Variants in PARPBP observed in about 807,000 individuals in gnomAD.
PARPBP encodes the protein PARP1 binding protein.
PARPBP carries 52 observed loss-of-function variants against 50.0 expected under a neutral mutation model. That is an observed-to-expected ratio of 1.04 (90% CI 0.83 to 1.31). The LOEUF (loss-of-function observed/expected upper bound fraction) is 1.31. PARPBP is among the 50% of genes most tolerant of loss of function. PARPBP has a pLI of 0.00. For synonymous variants in PARPBP, 244 were observed against 232.1 expected, an observed-to-expected ratio of 1.05 and a Z score of -0.47; for missense variants, 697 against 672.0, an observed-to-expected ratio of 1.04 and a Z score of -0.41.
chr12:102,184,292 G>A (rs1017722507), intron 9 of PARPBP, among the ~76,000 whole-genome samples: 8 of 151,918 alleles, frequency 5.3e-5, no homozygotes, highest in African/African-American at 1.9e-4. Context: ...GGAGAATGGG[G>A]TATCCATTCT....
chr12:102,190,911 C>T (rs1565905893), intron 9 of PARPBP, among the ~76,000 whole-genome samples: 1 of 152,028 alleles, frequency 6.6e-6, no homozygotes, highest in Non-Finnish European at 1.5e-5. Context: ...TTTAAATAGC[C>T]ATAAGTAGGA....
chr12:102,123,904 C>T lies in PARPBP; in HGVS notation c.16C>T (p.Gln6Ter), dbSNP rs1313494983. Residue 6 changes from glutamine to a stop codon, truncating the protein, a stop_gained, in exon 2 of 11, where the codon CAG becomes TAG. Transcript: ENST00000327680. LOFTEE classifies it high-confidence loss of function. ...CTTTAAGATAATGGCTGTGTTTAAT[C>T]AGAAGTCTGTCTCGGATATGATTAA... MAVFN[Q>*]KSVSDMIKEF... The T allele has an allele frequency of 6.5e-7, 1 of 1,534,842 alleles. No individual in the cohort carries two copies.
intron 8 of PARPBP, among the ~76,000 whole-genome samples, chr12:102,182,238 G>T (rs985203835): frequency 3.3e-5 from 5 of 152,098 alleles, no homozygotes; most frequent in Non-Finnish European, 7.4e-5. Context: ...TGATCATGGC[G>T]GTAAACAACT....
At chr12:102,166,340 A>G (rs1281815678) in intron 6 of PARPBP, among the ~76,000 whole-genome samples, 2 of 152,044 alleles carry the variant, frequency 1.3e-5, no homozygotes, top group Non-Finnish European at 2.9e-5. Context: ...TTTTTATATG[A>G]TATTGGAGGT....
At chr12:102,146,842 G>A (rs973422253) in intron 2 of PARPBP, among the ~76,000 whole-genome samples, 24 of 152,072 alleles carry the variant, frequency 1.6e-4, no homozygotes, top group Admixed American at 5.2e-4. Context: ...AATATCCAGA[G>A]TCTACAATGA....
intron 9 of PARPBP, 46 bp downstream of exon 9, chr12:102,182,673 T>TC: frequency 4.7e-6 from 6 of 1,264,732 alleles, no homozygotes; most frequent in South Asian, 1.2e-5. Flanking sequence ...CTGTTTTATT[T>TC]TTAGAAGAAA....
intron 9 of PARPBP, among the ~76,000 whole-genome samples, chr12:102,185,675 T>C (rs1010823852): frequency 2.6e-5 from 4 of 152,152 alleles, no homozygotes; most frequent in African/African-American, 9.7e-5. Flanking sequence ...TTTTATTTTT[T>C]TGAGATGGAG....
At chr12:102,173,543 G>A (rs1565893266) in intron 6 of PARPBP, among the ~76,000 whole-genome samples, 2 of 151,908 alleles carry the variant, frequency 1.3e-5, no homozygotes. Context: ...TGGACACAAG[G>A]CCAATAAACA....
At chr12:102,170,911 T>C (rs938751692) in intron 6 of PARPBP, among the ~76,000 whole-genome samples, 3 of 150,632 alleles carry the variant, frequency 2.0e-5, no homozygotes, top group East Asian at 1.9e-4. Context: ...TTTTCTTTTT[T>C]TTTTTTTTTT....
intron 2 of PARPBP, among the ~76,000 whole-genome samples, chr12:102,125,458 CAG>C (rs776437199): frequency 4.6e-5 from 7 of 152,066 alleles, no homozygotes; most frequent in Admixed American, 2.0e-4. Context: ...AGATTTGAAA[CAG>C]GGGAGGGCAT....
intron 6 of PARPBP, among the ~76,000 whole-genome samples, chr12:102,170,909 T>C (rs913197108): frequency 8.0e-5 from 12 of 149,920 alleles, no homozygotes; most frequent in East Asian, 1.9e-4. Flanking sequence ...ATTTTTCTTT[T>C]TTTTTTTTTT....
rs1344193918 is a variant in PARPBP, at chr12:102,196,060, A to G, written c.1509A>G (p.Thr503=). 1 of 1,611,962 alleles carries G rather than the reference A, an allele frequency of 6.2e-7. No homozygotes were observed. The change falls in exon 11 of 11, where the codon ACA becomes ACG. Residue 503 remains threonine, a synonymous_variant. Transcript: ENST00000327680. ...EKVSRKSTSQ[T]GNKSSKRKQV... is the part of the protein sequence containing the mutation. ...TATCAAGAAAATCAACCAGTCAGAC[A>G]GGAAATAAAAGCTCAAAAAGGAAAC...
intron 9 of PARPBP, among the ~76,000 whole-genome samples, chr12:102,185,998 T>C (rs1018990092): frequency 1.3e-5 from 2 of 152,150 alleles, no homozygotes; most frequent in African/African-American, 4.8e-5. Flanking sequence ...TACTTATTAT[T>C]GATCTATTCA....
intron 2 of PARPBP, among the ~76,000 whole-genome samples, chr12:102,127,055 T>G (rs1356992797): frequency 6.6e-6 from 1 of 152,160 alleles, no homozygotes; most frequent in African/African-American, 2.4e-5. Flanking sequence ...CTTATTTAAG[T>G]AGTTACATGA....
intron 2 of PARPBP, among the ~76,000 whole-genome samples, chr12:102,130,244 A>G (rs1018305394): frequency 5.3e-5 from 8 of 152,176 alleles, no homozygotes; most frequent in Non-Finnish European, 1.0e-4. Context: ...AAATCAACTC[A>G]AGATGAGGGA....
At chr12:102,150,131 C>T in intron 3 of PARPBP, 1 of 409,192 alleles carries the variant, frequency 2.4e-6, no homozygotes, top group South Asian at 1.8e-5. Context: ...GTGGGATACT[C>T]TCTCCAAATG....
rs145557543 is a variant in PARPBP at position 102,139,517 on chromosome 12, A to G, written c.154-8713A>G. 9.9e-4 allele frequency among the ~76,000 whole-genome samples: 151 copies of G among 152,286 alleles called. 1 individual carries two copies. Among genetic ancestry groups the G allele is most frequent in the African/African-American group, 3.4e-3 (142 of 41,548 alleles). ...TGCCCTGGCCAGAACTTCCAACACTATGTTGACTAGGAGTGGTGAGAGAGG... is the reference window on the plus strand; with the variant it reads ...TGCCCTGGCCAGAACTTCCAACACTGTGTTGACTAGGAGTGGTGAGAGAGG... On this transcript the variant is annotated intron_variant, in intron 2 of 10. Transcript: ENST00000327680.
At chr12:102,121,748 T>C (rs1881153360) in intron 1 of PARPBP, among the ~76,000 whole-genome samples, 1 of 152,042 alleles carries the variant, frequency 6.6e-6, no homozygotes, top group Admixed American at 6.6e-5. Context: ...TTCACCATGT[T>C]GGCCAGGTTG....
chr12:102,129,364 G>C (rs1175054814), intron 2 of PARPBP, among the ~76,000 whole-genome samples: 1 of 151,988 alleles, frequency 6.6e-6, no homozygotes, highest in African/African-American at 2.4e-5. Flanking sequence ...CCTTTTATCT[G>C]ATACATGATT....
Sources: gnomAD v4.1 joint callset for allele counts (sites outside exome capture counted in the v4.1 genomes callset) on GRCh38, gnomAD v4.1.1 for gene constraint, MANE v1.5 for transcripts, NCBI Gene and HGNC (gene_info 2026-07-23, HGNC 2026-07-21) for gene names.